The following LSAMP variants were observed in gnomAD, a reference collection of about 807,000 sequenced individuals.
LSAMP encodes limbic system associated membrane protein.
A neutral mutation model predicts 38.6 loss-of-function variants in LSAMP; 7 were observed. The observed-to-expected ratio is 0.18, with a 90% CI of 0.10 to 0.34. The LOEUF (loss-of-function observed/expected upper bound fraction) is 0.34. Among genes scored for constraint, LSAMP ranks in the 10% least tolerant of loss-of-function variants. The pLI is 1.00. For missense variants in LSAMP, 313 were observed against 420.0 expected, an observed-to-expected ratio of 0.75 and a Z score of 2.23; for synonymous variants, 154 against 166.8, an observed-to-expected ratio of 0.92 and a Z score of 0.59.
intron 1 of LSAMP, among the ~76,000 whole-genome samples, chr3:116,326,666 A>C (rs1559829128): frequency 6.6e-6 from 1 of 152,100 alleles, no homozygotes; most frequent in Non-Finnish European, 1.5e-5. Context: ...CATTTTTCTC[A>C]ATTTCTTCAT....
chr3:116,030,580 A>G (rs1940895930), intron 2 of LSAMP, among the ~76,000 whole-genome samples: 1 of 152,124 alleles, frequency 6.6e-6, no homozygotes. Flanking sequence ...TGTTTCTGGT[A>G]CTAACAGAAC....
At chr3:116,325,830 G>A (rs1576129006) in intron 1 of LSAMP, among the ~76,000 whole-genome samples, 2 of 152,140 alleles carry the variant, frequency 1.3e-5, no homozygotes, top group Admixed American at 1.3e-4. Flanking sequence ...CAGCAGAACA[G>A]CATCTCTATT....
At chr3:116,028,176 C>A (rs1013688560) in intron 2 of LSAMP, among the ~76,000 whole-genome samples, 12 of 152,142 alleles carry the variant, frequency 7.9e-5, no homozygotes, top group African/African-American at 2.9e-4. Context: ...TAAGCATACT[C>A]CCAGGATTCA....
intron 3 of LSAMP, among the ~76,000 whole-genome samples, chr3:115,878,564 C>T (rs570704179): frequency 6.9e-5 from 10 of 144,092 alleles, no homozygotes; most frequent in South Asian, 2.2e-4. Flanking sequence ...TGGCTTCAAG[C>T]GATTCTCTTG....
chr3:116,191,072 A>G (rs1445880888), intron 1 of LSAMP, among the ~76,000 whole-genome samples: 1 of 152,132 alleles, frequency 6.6e-6, no homozygotes. Flanking sequence ...AAGTACAAAA[A>G]ATTAGCCCGG....
chr3:115,839,829 A>G (rs1014530192), intron 6 of LSAMP, among the ~76,000 whole-genome samples: 2 of 152,260 alleles, frequency 1.3e-5, no homozygotes, highest in Non-Finnish European at 2.9e-5. Flanking sequence ...CATAAAGGGC[A>G]GTGTGATAGG....
intron 1 of LSAMP, among the ~76,000 whole-genome samples, chr3:116,148,359 A>T (rs915040434): frequency 6.6e-6 from 1 of 152,012 alleles, no homozygotes; most frequent in Non-Finnish European, 1.5e-5. Context: ...CACCTCCTCT[A>T]GATTATGATT....
intron 1 of LSAMP, among the ~76,000 whole-genome samples, chr3:116,255,793 A>G (rs1345357881): frequency 6.6e-6 from 1 of 152,210 alleles, no homozygotes; most frequent in Admixed American, 6.5e-5. Flanking sequence ...AGCTTTGGCT[A>G]TAGGAGGAAA....
intron 1 of LSAMP, among the ~76,000 whole-genome samples, chr3:116,158,138 T>G (rs1224368112): frequency 6.6e-6 from 1 of 152,196 alleles, no homozygotes. Flanking sequence ...GAAAAGGCTT[T>G]TGTTAAAAGT....
intron 1 of LSAMP, among the ~76,000 whole-genome samples, chr3:116,399,692 G>A (rs576088645): frequency 6.6e-5 from 10 of 152,326 alleles, no homozygotes; most frequent in Non-Finnish European, 1.3e-4. Flanking sequence ...GAAGTCATAT[G>A]CTCTGTGAAG....
intron 3 of LSAMP, among the ~76,000 whole-genome samples, chr3:115,903,454 T>C (rs1308276594): frequency 6.6e-6 from 1 of 152,054 alleles, no homozygotes; most frequent in Non-Finnish European, 1.5e-5. Flanking sequence ...AGTTTACCTA[T>C]ATAAAAAACC....
intron 3 of LSAMP, among the ~76,000 whole-genome samples, chr3:115,854,282 A>AT (rs35263381): frequency 0.012 from 1,252 of 106,960 alleles, 21 homozygotes; most frequent in South Asian, 0.015. Context: ...TATTATTATT[A>AT]TTTTTTTTTT....
At chr3:116,029,287 C>T (rs1451991527) in intron 2 of LSAMP, among the ~76,000 whole-genome samples, 1 of 152,108 alleles carries the variant, frequency 6.6e-6, no homozygotes, top group African/African-American at 2.4e-5. Flanking sequence ...AAGCAAGAAA[C>T]ATCAGCCTGT....
At chr3:115,854,282 A>ATTATTTT (rs1366839788) in intron 3 of LSAMP, among the ~76,000 whole-genome samples, 17 of 107,024 alleles carry the variant, frequency 1.6e-4, no homozygotes, top group African/African-American at 5.5e-4. Context: ...TATTATTATT[A>ATTATTTT]TTTTTTTTTT....
intron 3 of LSAMP, among the ~76,000 whole-genome samples, chr3:115,919,529 T>C (rs1231278714): frequency 2.0e-5 from 3 of 152,146 alleles, no homozygotes; most frequent in African/African-American, 7.2e-5. Context: ...TAAATGAGTG[T>C]GAATGGGGGT....
intron 1 of LSAMP, among the ~76,000 whole-genome samples, chr3:116,171,787 T>A (rs946786196): frequency 6.6e-6 from 1 of 152,012 alleles, no homozygotes; most frequent in African/African-American, 2.4e-5. Context: ...AAGGAGCAGG[T>A]GGAGAAGAGA....
chr3:115,859,423 A>C (rs1479354240), intron 3 of LSAMP, among the ~76,000 whole-genome samples: 2 of 151,722 alleles, frequency 1.3e-5, no homozygotes, highest in African/African-American at 4.8e-5. Context: ...GAGTTGGAGG[A>C]ATGGAAATGA....
intron 4 of LSAMP, among the ~76,000 whole-genome samples, chr3:115,850,166 A>G (rs1935285094): frequency 6.6e-6 from 1 of 152,218 alleles, no homozygotes; most frequent in African/African-American, 2.4e-5. Flanking sequence ...CTTGAAAATT[A>G]TAAGTATTTT....
intron 1 of LSAMP, among the ~76,000 whole-genome samples, chr3:116,281,824 C>T (rs2047130940): frequency 6.6e-6 from 1 of 152,088 alleles, no homozygotes. Flanking sequence ...TGGGTATTTC[C>T]CCACGTTGTC....
Sources: allele counts gnomAD v4.1 joint callset (sites outside exome capture counted in the v4.1 genomes callset), GRCh38; gene constraint gnomAD v4.1.1; transcripts MANE v1.5; gene names NCBI Gene and HGNC (gene_info 2026-07-23, HGNC 2026-07-21).